Variants in TNR observed in about 807,000 individuals in gnomAD.
TNR encodes the protein tenascin-R.
A neutral mutation model predicts 150.4 loss-of-function variants in TNR; 45 were observed. That is an observed-to-expected ratio of 0.30 (90% confidence interval 0.24 to 0.38). TNR has a LOEUF of 0.38. Ranked by LOEUF, TNR falls within the 10% of genes least tolerant of loss-of-function variation. The pLI is 1.00. For missense variants in TNR, 1,544 were observed against 1,759.1 expected (o/e 0.88, Z 2.19); for synonymous variants, 687 against 678.4 (o/e 1.01, Z -0.20).
chr1:175,422,429 G>T (rs896558853), intron 2 of TNR, among the ~76,000 whole-genome samples: 1 of 152,122 alleles, frequency 6.6e-6, no homozygotes, highest in Non-Finnish European at 1.5e-5. Flanking sequence ...ACCTACCCAG[G>T]TGTCCTGCAT....
At chr1:175,450,125 T>C (rs2102091855) in intron 2 of TNR, among the ~76,000 whole-genome samples, 1 of 152,346 alleles carries the variant, frequency 6.6e-6, no homozygotes, top group African/African-American at 2.4e-5. Flanking sequence ...CACTGTCTTA[T>C]GCATTTACTG....
chr1:175,354,134 C>T lies in TNR; in HGVS notation c.3382+257G>A, dbSNP rs554024419. Among the ~76,000 whole-genome samples, 4 of 152,264 alleles carry T rather than the reference C, an allele frequency of 2.6e-5. No homozygotes were observed. In the South Asian group the frequency reaches 6.2e-4, roughly 24 times the overall value. On this transcript the variant is annotated intron_variant, in intron 18 of 22. Transcript: ENST00000367674. ...TGCTGGGATTATAGGTGTGAGTCAC[C>T]GCACCCAGCCAGAACCTGATGTCTT...
intron 1 of TNR, among the ~76,000 whole-genome samples, chr1:175,578,584 G>C (rs1055043410): frequency 6.6e-6 from 1 of 152,142 alleles, no homozygotes; most frequent in African/African-American, 2.4e-5. Flanking sequence ...AATGAGAGAA[G>C]GGAGGAGGGA....
intron 20 of TNR, among the ~76,000 whole-genome samples, chr1:175,332,893 A>G (rs1420283998): frequency 6.6e-6 from 1 of 152,226 alleles, no homozygotes; most frequent in African/African-American, 2.4e-5. Flanking sequence ...ATGACATGAG[A>G]TATATAAGGC....
intron 7 of TNR, 118 bp from the exon 8 acceptor site, chr1:175,386,419 T>C: frequency 1.9e-6 from 2 of 1,075,056 alleles, no homozygotes; most frequent in Non-Finnish European, 2.5e-6. Flanking sequence ...TGGGTATTGT[T>C]ACTGCATTTT....
chr1:175,633,040 C>A (rs1381862781), intron 1 of TNR, among the ~76,000 whole-genome samples: 2 of 152,188 alleles, frequency 1.3e-5, no homozygotes, highest in Non-Finnish European at 2.9e-5. Flanking sequence ...TATACACTGT[C>A]CCCTCTATCT....
chr1:175,457,450 C>T (rs145511380), intron 2 of TNR, among the ~76,000 whole-genome samples: 1 of 152,294 alleles, frequency 6.6e-6, no homozygotes, highest in African/African-American at 2.4e-5. Flanking sequence ...CTGAGTTGGC[C>T]GGCCAAGCCA....
chr1:175,719,783 T>A (rs1478851953), intron 1 of TNR, among the ~76,000 whole-genome samples: 1 of 152,148 alleles, frequency 6.6e-6, no homozygotes, highest in African/African-American at 2.4e-5. Flanking sequence ...CTACCTGCTG[T>A]CCCTTCCCTA....
chr1:175,597,042 A>G (rs1663037525), intron 1 of TNR, among the ~76,000 whole-genome samples: 1 of 152,178 alleles, frequency 6.6e-6, no homozygotes, highest in Non-Finnish European at 1.5e-5. Flanking sequence ...CTTGCTTTTA[A>G]CTACAGTTAA....
At position 175,330,075 on chromosome 1, in the gene TNR, C is replaced by A; in HGVS notation, c.3792G>T (p.Ala1264=). Residue 1264 remains alanine (A), a splice_region_variant and synonymous_variant, in exon 21 of 23, where the codon GCG becomes GCT. Transcript: ENST00000367674. ...GGTCTGCTCAGGAGCCATAGGTACC[C>A]GCAGTGCCGTTGTAGCTTCCTATGC... ...KLRIGSYNGT[A]GDSLSYHQGR... is the part of the protein sequence containing the mutation. The A allele has an allele frequency of 1.3e-6, 2 of 1,578,982 alleles. No homozygotes were observed. Among genetic ancestry groups the A allele is most frequent in the Non-Finnish European group, 1.7e-6 (2 of 1,154,744 alleles).
chr1:175,363,657 T>C, intron 13 of TNR, 51 bp downstream of exon 13: 1 of 1,594,268 alleles, frequency 6.3e-7, no homozygotes, highest in Non-Finnish European at 8.6e-7. Context: ...AGTTCTCCCA[T>C]AATCTTCACC....
At chr1:175,549,087 T>C (rs372474007) in intron 1 of TNR, among the ~76,000 whole-genome samples, 2 of 152,316 alleles carry the variant, frequency 1.3e-5, no homozygotes, top group East Asian at 3.9e-4. Flanking sequence ...ATGTGTGCCA[T>C]TAATAACAAA....
rs528742991 is a variant in TNR at position 175,587,627 on chromosome 1, T to C, written c.-164-59258A>G. On this transcript the variant is annotated intron_variant, in intron 1 of 22. Transcript: ENST00000367674. ...AATCAAGGACCTGGTGTCAGAAGCATTGATTCTTAATTCTGGCTACACAAA... is the reference window on the plus strand; with the variant it reads ...AATCAAGGACCTGGTGTCAGAAGCACTGATTCTTAATTCTGGCTACACAAA... Among the ~76,000 whole-genome samples, 4 of 152,312 alleles carry C rather than the reference T, an allele frequency of 2.6e-5. No homozygotes were observed. The South Asian group carries it at 6.2e-4, about 24-fold the overall frequency.
In TNR at chr1:175,403,356, C is replaced by T. The variant is rs1653805221; in HGVS notation, c.760G>A (p.Glu254Lys). The T allele has an allele frequency of 4.3e-6, 7 of 1,614,016 alleles. No homozygotes were observed. The highest frequency in any genetic ancestry group is 2.7e-5 in the African/African-American group (2 of 74,918). The change falls in exon 4 of 23, where the codon GAG (glutamate) becomes AAG (lysine). Residue 254 changes from glutamate (E) to lysine (K), a missense_variant. Physicochemically the swap from Glu to Lys is moderately conservative, Grantham distance 56 (BLOSUM62 1). Transcript: ENST00000367674. ...LCVDGECVCE[E>K]PYTGEDCREL... ...CTGCAGTCCTCGCCAGTGTAGGGCT[C>T]TTCACAGACACACTCCCCGTCCACG...
At chr1:175,594,277 A>T (rs10913026) in intron 1 of TNR, among the ~76,000 whole-genome samples, 3 of 151,786 alleles carry the variant, frequency 2.0e-5, no homozygotes, top group Admixed American at 1.3e-4. Context: ...ATATCAGTCA[A>T]TATAGGGAAA....
intron 1 of TNR, among the ~76,000 whole-genome samples, chr1:175,588,603 TCA>T (rs1332656163): frequency 6.6e-6 from 1 of 152,172 alleles, no homozygotes. Context: ...TGATAATTAA[TCA>T]AACACGGGCT....
intron 15 of TNR, among the ~76,000 whole-genome samples, chr1:175,357,528 A>G (rs1472783146): frequency 6.7e-6 from 1 of 149,550 alleles, no homozygotes; most frequent in Non-Finnish European, 1.5e-5. Context: ...TTTGCACATC[A>G]TGCCATTGAT....
At chr1:175,492,633 CT>C (rs1658307932) in intron 2 of TNR, among the ~76,000 whole-genome samples, 1 of 152,020 alleles carries the variant, frequency 6.6e-6, no homozygotes, top group Non-Finnish European at 1.5e-5. Context: ...GGTTAATGCT[CT>C]AGTCAAAACT....
At chr1:175,330,998 A>ATTCTCTCT (rs1649723182) in intron 20 of TNR, among the ~76,000 whole-genome samples, 1 of 72,768 alleles carries the variant, frequency 1.4e-5, no homozygotes, top group African/African-American at 5.1e-5. Flanking sequence ...CCTCTTGGTG[A>ATTCTCTCT]TTCTTTCTTT....
Sources: gnomAD v4.1 joint callset for allele counts (sites outside exome capture counted in the v4.1 genomes callset) on GRCh38, gnomAD v4.1.1 for gene constraint, MANE v1.5 for transcripts, NCBI Gene and HGNC (gene_info 2026-07-23, HGNC 2026-07-21) for gene names.